The following RECK variants were observed in gnomAD, a reference collection of about 807,000 sequenced individuals.
RECK encodes the protein reversion-inducing cysteine-rich protein with Kazal motifs.
In RECK, 69 loss-of-function variants were observed where a neutral mutation model predicts 115.1. The observed-to-expected ratio is 0.60, with a 90% confidence interval of 0.49 to 0.73. The LOEUF (loss-of-function observed/expected upper bound fraction) is 0.73. Ranked by LOEUF, RECK falls within the 30% of genes least tolerant of loss-of-function variation. The probability of loss-of-function intolerance (pLI) is 0.00; values close to 1 mark genes in which losing one functional copy is unlikely to be tolerated. For missense variants in RECK, 1,047 were observed against 1,203.7 expected (o/e 0.87, Z 1.93); for synonymous variants, 414 against 419.7 (o/e 0.99, Z 0.17).
At chr9:36,047,529 T>G (rs1428947745) in intron 1 of RECK, among the ~76,000 whole-genome samples, 1 of 151,996 alleles carries the variant, frequency 6.6e-6, no homozygotes, top group Non-Finnish European at 1.5e-5. Context: ...CAAGAATCAC[T>G]TGAAGGTGGA....
chr9:36,104,276 A>G (rs1236078430), intron 12 of RECK, among the ~76,000 whole-genome samples: 278 of 62,008 alleles, frequency 4.5e-3, no homozygotes, highest in African/African-American at 0.014. Context: ...CATACATAGC[A>G]TGTGTGTGTG....
intron 10 of RECK, among the ~76,000 whole-genome samples, chr9:36,093,514 T>G (rs1272925493): frequency 6.6e-6 from 1 of 152,102 alleles, no homozygotes; most frequent in Non-Finnish European, 1.5e-5. Context: ...ATGCAATATC[T>G]AAAATAAATT....
intron 8 of RECK, chr9:36,085,937 G>C (rs1822941731): frequency 6.6e-6 from 1 of 151,824 alleles, no homozygotes; most frequent in Non-Finnish European, 1.5e-5. Context: ...GTCTATACGA[G>C]ATACTGCTGG....
chr9:36,064,076 CCTG>C (rs1331603756), intron 5 of RECK, among the ~76,000 whole-genome samples, 196 bp downstream of exon 5: 1 of 152,172 alleles, frequency 6.6e-6, no homozygotes, highest in Non-Finnish European at 1.5e-5. Flanking sequence ...ATGGCCTCAG[CCTG>C]CTTTTATTCT....
chr9:36,049,227 T>C (rs1167426277), intron 1 of RECK, among the ~76,000 whole-genome samples: 1 of 152,096 alleles, frequency 6.6e-6, no homozygotes, highest in South Asian at 2.1e-4. Context: ...AGAGTATTGA[T>C]TGGGGTTTCA....
chr9:36,082,152 TTC>T (rs71508008), intron 7 of RECK, among the ~76,000 whole-genome samples: 3,127 of 113,592 alleles, frequency 0.028, 98 homozygotes, highest in African/African-American at 0.085. Context: ...CCTCCCTGCT[TTC>T]TCTCTCTCTC....
chr9:36,103,480 G>C (rs1382351881), intron 12 of RECK, among the ~76,000 whole-genome samples: 1 of 151,842 alleles, frequency 6.6e-6, no homozygotes. Context: ...AAGGTAAAAA[G>C]GAAGGGACAG....
chr9:36,108,195 TA>T (rs1388122805), intron 14 of RECK, 31 bp downstream of exon 14: 5 of 1,499,190 alleles, frequency 3.3e-6, no homozygotes, highest in Non-Finnish European at 4.5e-6. Flanking sequence ...TTGTTTTTAA[TA>T]TGAGATTAGT....
chr9:36,041,690 G>A (rs924432027), intron 1 of RECK, among the ~76,000 whole-genome samples: 1 of 151,272 alleles, frequency 6.6e-6, no homozygotes, highest in African/African-American at 2.4e-5. Context: ...CTTCCCGTGT[G>A]TTCTTTTAGA....
intron 16 of RECK, among the ~76,000 whole-genome samples, chr9:36,115,785 T>C (rs1447683594): frequency 1.3e-5 from 2 of 152,220 alleles, no homozygotes; most frequent in Non-Finnish European, 2.9e-5. Flanking sequence ...CTAGCTACTA[T>C]ATGCTTCCTC....
Position 36,091,359 on chromosome 9 carries a change from A to G in RECK, c.1085+16A>G, listed in dbSNP as rs749653933. 11 of 1,413,560 alleles carry G rather than the reference A, an allele frequency of 7.8e-6. No individual in the cohort carries two copies. In the Admixed American group the frequency reaches 1.3e-4, roughly 17 times the overall value. The allele number at this position is 1,413,560 out of a possible 1,614,324, so 87.6% of individuals were successfully genotyped here. On this transcript the variant is annotated intron_variant, in intron 10 of 20. Transcript: ENST00000377966. The stretch of plus-strand genomic sequence containing the variant: ...TTAACAACAGGTAAGACAAATTATT[A>G]TACATGGAATGGAAATATTTTATCA...
At chr9:36,080,203 A>AT (rs1445810863) in intron 6 of RECK, among the ~76,000 whole-genome samples, 1 of 152,244 alleles carries the variant, frequency 6.6e-6, no homozygotes, top group Non-Finnish European at 1.5e-5. Flanking sequence ...GATAATGTCT[A>AT]AAATCCTTTC....
chr9:36,096,858 A>G (rs945121920), intron 10 of RECK, among the ~76,000 whole-genome samples: 29 of 152,156 alleles, frequency 1.9e-4, no homozygotes, highest in Admixed American at 1.9e-3. Flanking sequence ...CATCATTTAA[A>G]ACTTGAAGGG....
At chr9:36,037,196 C>G (rs1820699412) in intron 1 of RECK, 98 bp downstream of exon 1, 1 of 784,762 alleles carries the variant, frequency 1.3e-6, no homozygotes, top group South Asian at 5.5e-5. Context: ...CGCGCGACCC[C>G]CAGACCCTGC....
At chr9:36,072,804 G>C (rs965186830) in intron 6 of RECK, 2 of 152,170 alleles carry the variant, frequency 1.3e-5, no homozygotes. Context: ...TATTTGTTTT[G>C]TAGTTGGGGG....
Position 36,112,467 on chromosome 9 carries a change from A to G in RECK, c.2051A>G (p.Lys684Arg). ...CCATGTAATCCTAATCCCTGCCAAA[A>G]AAACCAAAGGTAAGTCAAATGGCTT... Reference protein sequence around the residue: ...KDPCNPNPCQKNQRCIPKPQV... With the variant: ...KDPCNPNPCQRNQRCIPKPQV... The change falls in exon 16 of 21, where the codon AAA becomes AGA. Residue 684 changes from lysine (K) to arginine (R), a missense_variant. Coordinates refer to ENST00000377966, the MANE Select transcript of RECK (RefSeq NM_021111.3). 6.2e-7 allele frequency: 1 copy of G among 1,614,076 alleles called. No homozygotes were observed. The highest frequency in any genetic ancestry group is 8.5e-7 in the Non-Finnish European group (1 of 1,180,048).
intron 12 of RECK, 130 bp downstream of exon 12, chr9:36,102,360 A>G (rs1243010740): frequency 2.5e-6 from 2 of 793,276 alleles, no homozygotes; most frequent in Admixed American, 2.9e-5. Flanking sequence ...CATCTCAATC[A>G]CAGACTCTTG....
intron 2 of RECK, 49 bp from the exon 3 acceptor site, chr9:36,058,778 A>G (rs1412289625): frequency 3.5e-6 from 5 of 1,408,614 alleles, no homozygotes; most frequent in Non-Finnish European, 3.9e-6. Context: ...ACCTCTTCTT[A>G]TTTCTTATAG....
At position 36,087,965 on chromosome 9, in the gene RECK, A is replaced by G. The variant is rs1045229671; in HGVS notation, c.905+4A>G. The G allele has an allele frequency of 6.3e-7, 1 of 1,599,788 alleles. No homozygotes were observed. Among genetic ancestry groups the G allele is most frequent in the African/African-American group, 1.3e-5 (1 of 74,628 alleles). ...AAGCAAACACTTCAACATGTAGGTT[A>G]GTATTTCATTTTCCTTTACCAAAAT... On this transcript the variant is annotated splice_donor_region_variant and intron_variant, in intron 9 of 20. Transcript: ENST00000377966.
Sources: allele counts gnomAD v4.1 joint callset (sites outside exome capture counted in the v4.1 genomes callset), GRCh38; gene constraint gnomAD v4.1.1; transcripts MANE v1.5; gene names NCBI Gene and HGNC (gene_info 2026-07-23, HGNC 2026-07-21).